RASGEF1C: variants seen among roughly 807,000 people sequenced by gnomAD.
The protein encoded by RASGEF1C is ras-GEF domain-containing family member 1C.
Under a neutral mutation model 58.1 loss-of-function variants are expected in RASGEF1C, and 27 were observed. The observed-to-expected ratio is 0.46, with a 90% CI of 0.34 to 0.64. The LOEUF is 0.64. Among genes scored for constraint, RASGEF1C ranks in the 30% least tolerant of loss-of-function variants. The pLI, the probability that RASGEF1C is intolerant of heterozygous loss-of-function variation, is 0.01. For missense variants in RASGEF1C, 502 were observed against 605.1 expected (o/e 0.83, Z 1.79); for synonymous variants, 243 against 246.3 (o/e 0.99, Z 0.13).
intron 1 of RASGEF1C, among the ~76,000 whole-genome samples, chr5:180,190,534 C>T (rs1756145447): frequency 7.2e-6 from 1 of 138,134 alleles, no homozygotes; most frequent in Admixed American, 7.1e-5. Context: ...TAATAATTAG[C>T]CAGGCACGGT....
chr5:180,144,449 A>T (rs552249161), intron 1 of RASGEF1C, among the ~76,000 whole-genome samples: 6 of 152,304 alleles, frequency 3.9e-5, no homozygotes, highest in African/African-American at 1.4e-4. Context: ...CAGCCTGGGC[A>T]ACACAGTGAG....
intron 12 of RASGEF1C, among the ~76,000 whole-genome samples, chr5:180,108,746 T>C (rs1406282662): frequency 6.6e-6 from 1 of 152,242 alleles, no homozygotes; most frequent in Non-Finnish European, 1.5e-5. Context: ...GTCTGACTAA[T>C]TGCCAGGTGG....
At chr5:180,121,578 G>A (rs555338721) in intron 6 of RASGEF1C, among the ~76,000 whole-genome samples, 1 of 152,052 alleles carries the variant, frequency 6.6e-6, no homozygotes, top group South Asian at 2.1e-4. Context: ...CTCCAAAAGT[G>A]CTGGGATTAC....
chr5:180,200,623 T>C (rs1194268784), intron 1 of RASGEF1C, among the ~76,000 whole-genome samples: 7 of 151,978 alleles, frequency 4.6e-5, no homozygotes. Context: ...AAGTACACCA[T>C]TCTTTATGGA....
In RASGEF1C at chr5:180,143,992, G is replaced by A. The variant is rs1766625730; in HGVS notation, c.-6-5934C>T. Among the ~76,000 whole-genome samples the A allele has an allele frequency of 6.6e-6, 1 of 152,170 alleles. No individual in the cohort carries two copies. ...TGTGAGGACCACGCGCGTGTCTCAG[G>A]AAGACACCTGTGAGCTCTGAGAAGA... On this transcript the variant is annotated intron_variant, in intron 1 of 13. Transcript: ENST00000361132. This position sits in a 1 kb window ranked among gnomAD's most constrained non-coding sequence, Gnocchi z 4.3.
At chr5:180,189,459 T>C (rs1004712148) in intron 1 of RASGEF1C, among the ~76,000 whole-genome samples, 2 of 152,246 alleles carry the variant, frequency 1.3e-5, no homozygotes, top group African/African-American at 4.8e-5. Flanking sequence ...GGGCTTATGC[T>C]GTCTTCAAGA....
intron 12 of RASGEF1C, among the ~76,000 whole-genome samples, chr5:180,104,609 G>A (rs984833318): frequency 6.6e-5 from 10 of 152,306 alleles, no homozygotes; most frequent in African/African-American, 2.4e-4. Context: ...GGCTTCATCA[G>A]GAGGCTCCCT....
At chr5:180,207,475 T>G (rs1010733361) in intron 1 of RASGEF1C, among the ~76,000 whole-genome samples, 2 of 152,192 alleles carry the variant, frequency 1.3e-5, no homozygotes, top group Admixed American at 1.3e-4. Flanking sequence ...AAGTGAGAGC[T>G]GGAACCACCT....
chr5:180,174,030 G>C (rs1413157551), intron 1 of RASGEF1C, among the ~76,000 whole-genome samples: 1 of 151,926 alleles, frequency 6.6e-6, no homozygotes, highest in Admixed American at 6.6e-5. Context: ...AGTTGGGGAA[G>C]TGTGGTCCTC....
chr5:180,120,691 C>T (rs1195207619), intron 7 of RASGEF1C, among the ~76,000 whole-genome samples: 11 of 152,210 alleles, frequency 7.2e-5, no homozygotes, highest in Admixed American at 2.0e-4. Context: ...GGTCGGCTCT[C>T]GTCCTCCTCT....
In RASGEF1C at chr5:180,127,686, G is replaced by T; in HGVS notation, c.640-3C>A. The T allele has an allele frequency of 6.2e-7, 1 of 1,612,144 alleles. No individual in the cohort carries two copies. Among genetic ancestry groups the T allele is most frequent in the Non-Finnish European group, 8.5e-7 (1 of 1,179,292 alleles). ...GGCCCGATGTGCCGCAGCCGCTCCT[G>T]CAGGGAAGGGTGAAGAGTGGGTAAA... is the stretch of plus-strand genomic sequence containing the variant. On this transcript the variant is annotated splice_region_variant and splice_polypyrimidine_tract_variant and intron_variant, in intron 5 of 13. Coordinates refer to ENST00000361132, the MANE Select transcript of RASGEF1C (RefSeq NM_175062.4).
rs1452301012 is a variant in RASGEF1C at position 180,209,102 on chromosome 5, G to A, written c.-81C>T. The A allele has an allele frequency of 1.4e-5, 2 of 140,042 alleles. No individual in the cohort carries two copies. Among genetic ancestry groups the A allele is most frequent in the East Asian group, 4.2e-4 (2 of 4,814 alleles). The allele number at this position is 140,042 out of a possible 1,614,324, so 8.7% of individuals were successfully genotyped here. On this transcript the variant is annotated 5_prime_UTR_variant, in exon 1 of 14. Coordinates refer to ENST00000361132, the MANE Select transcript of RASGEF1C (RefSeq NM_175062.4). ...GTGCGAGCCTCGGCGCCGCGGACCG[G>A]GGCGCCGCCCGCCGCCGCCGCCGCC...
chr5:180,172,640 A>T (rs1215821483), intron 1 of RASGEF1C, among the ~76,000 whole-genome samples: 1 of 152,002 alleles, frequency 6.6e-6, no homozygotes, highest in Non-Finnish European at 1.5e-5. Flanking sequence ...TTTCTCCAGA[A>T]TCTCTGCCTG....
Position 180,139,892 on chromosome 5 carries a change from G to T in RASGEF1C, c.-6-1834C>A, listed in dbSNP as rs1388335552. 3.3e-5 allele frequency among the ~76,000 whole-genome samples: 5 copies of T among 152,166 alleles called. No homozygotes were observed. The East Asian group carries it at 9.7e-4, about 29-fold the overall frequency. On this transcript the variant is annotated intron_variant, in intron 1 of 13. Coordinates refer to ENST00000361132, the MANE Select transcript of RASGEF1C (RefSeq NM_175062.4). ...GTCCGTTGTCTCCTGCTGGACACCTGGCACCTGTTCACCCTGCAACGCTGG... is the reference window on the plus strand; with the variant it reads ...GTCCGTTGTCTCCTGCTGGACACCTTGCACCTGTTCACCCTGCAACGCTGG...
intron 1 of RASGEF1C, among the ~76,000 whole-genome samples, chr5:180,173,186 G>A (rs923301305): frequency 2.6e-5 from 4 of 152,246 alleles, no homozygotes; most frequent in Non-Finnish European, 5.9e-5. Context: ...CCTTTCAGGA[G>A]AATCAGTGCG....
chr5:180,170,517 C>T (rs1328234858), intron 1 of RASGEF1C, among the ~76,000 whole-genome samples: 1 of 152,196 alleles, frequency 6.6e-6, no homozygotes, highest in East Asian at 1.9e-4. Context: ...CCTTCCAGCC[C>T]CCGCGCTACG....
At chr5:180,193,623 C>G (rs184723312) in intron 1 of RASGEF1C, among the ~76,000 whole-genome samples, 9 of 152,082 alleles carry the variant, frequency 5.9e-5, no homozygotes. Flanking sequence ...ACCAACCAAC[C>G]AAACAAAAAG....
In RASGEF1C at chr5:180,158,988, T is replaced by G. The variant is rs1766894715; in HGVS notation, c.-6-20930A>C. On this transcript the variant is annotated intron_variant, in intron 1 of 13. Transcript: ENST00000361132. The surrounding 1 kb of genome is among the most constrained non-coding windows in gnomAD (Gnocchi z 4.0). ...TTCTGAAAGCATTTCAATTTTATCT[T>G]CTAAATCTTTTATTTCTGCTGATGT... Among the ~76,000 whole-genome samples, 1 of 152,168 alleles carries G rather than the reference T, an allele frequency of 6.6e-6. No individual in the cohort carries two copies. Among genetic ancestry groups the G allele is most frequent in the Admixed American group, 6.5e-5 (1 of 15,272 alleles).
At chr5:180,152,177 T>G (rs1313967275) in intron 1 of RASGEF1C, among the ~76,000 whole-genome samples, 1 of 152,098 alleles carries the variant, frequency 6.6e-6, no homozygotes, top group African/African-American at 2.4e-5. Context: ...CTCAGGGATC[T>G]AGAACTAGAA....
Sources: gnomAD v4.1 joint callset for allele counts (sites outside exome capture counted in the v4.1 genomes callset) on GRCh38, gnomAD v4.1.1 for gene constraint, Gnocchi (gnomAD v3.1) non-coding constraint, MANE v1.5 for transcripts, NCBI Gene and HGNC (gene_info 2026-07-23, HGNC 2026-07-21) for gene names.